Variants in NAALADL2 observed in about 807,000 individuals in gnomAD.
NAALADL2 encodes N-acetylated alpha-linked acidic dipeptidase like 2.
In NAALADL2, 76 loss-of-function variants were observed where a neutral mutation model predicts 87.2. The ratio of observed to expected loss-of-function variants is 0.87; its 90% CI spans 0.72 to 1.05. NAALADL2 has a LOEUF of 1.05. Among genes scored for constraint, NAALADL2 ranks in the 50% least tolerant of loss-of-function variants. The probability of loss-of-function intolerance (pLI) is 0.00; values close to 1 mark genes in which losing one functional copy is unlikely to be tolerated. For missense variants in NAALADL2, 1,089 were observed against 945.8 expected (o/e 1.15, Z -1.99); for synonymous variants, 354 against 331.0 (o/e 1.07, Z -0.75).
intron 10 of NAALADL2, among the ~76,000 whole-genome samples, chr3:175,577,320 A>G (rs1719045676): frequency 6.6e-6 from 1 of 152,244 alleles, no homozygotes; most frequent in South Asian, 2.1e-4. Flanking sequence ...TGAGCAGATA[A>G]TAAGTCCCCA....
chr3:174,960,455 C>A (rs1741811469), intron 1 of NAALADL2, among the ~76,000 whole-genome samples: 1 of 151,994 alleles, frequency 6.6e-6, no homozygotes, highest in African/African-American at 2.4e-5. Flanking sequence ...GCTCTTTAAT[C>A]AAGAACATTC....
At chr3:174,610,056 A>C in intron 2 of NAALADL2, among the ~76,000 whole-genome samples, 1 of 152,076 alleles carries the variant, frequency 6.6e-6, no homozygotes, top group South Asian at 2.1e-4. Flanking sequence ...AAAAACAAGC[A>C]ATGGGGAAAG....
chr3:174,890,772 ACTC>A (rs1239109484), intron 1 of NAALADL2, among the ~76,000 whole-genome samples: 1 of 152,090 alleles, frequency 6.6e-6, no homozygotes, highest in Non-Finnish European at 1.5e-5. Flanking sequence ...ATGTGGTCAA[ACTC>A]CTGCTTTTCT....
chr3:175,173,309 AAAATAAATAAATAAAT>A (rs55984097), intron 2 of NAALADL2, among the ~76,000 whole-genome samples: 4 of 139,928 alleles, frequency 2.9e-5, no homozygotes, highest in Admixed American at 7.2e-5. Context: ...ATAAATAAAT[AAAATAAATAAATAAAT>A]AAATAAATAA....
rs6804295 is a variant in NAALADL2, at chr3:175,222,406, C to A, written c.546-11525C>A. On this transcript the variant is annotated intron_variant, in intron 2 of 13. Transcript: ENST00000454872. ...CATTCACACAATGACATCTTGTGACCTAGACTCAAAAAAGGTTCAACATCT... is the reference window on the plus strand; with the variant it reads ...CATTCACACAATGACATCTTGTGACATAGACTCAAAAAAGGTTCAACATCT... Among the ~76,000 whole-genome samples the A allele has an allele frequency of 2.3e-4, 35 of 152,078 alleles. No homozygotes were observed. In the South Asian group the frequency reaches 3.1e-3, roughly 14 times the overall value.
intron 3 of NAALADL2, among the ~76,000 whole-genome samples, chr3:174,834,662 A>G (rs977432931): frequency 3.9e-5 from 6 of 151,926 alleles, no homozygotes; most frequent in Non-Finnish European, 8.8e-5. Flanking sequence ...GTAAAATACT[A>G]TTAAAAACAA....
intron 2 of NAALADL2, among the ~76,000 whole-genome samples, chr3:174,714,328 T>G (rs1006920712): frequency 9.2e-5 from 14 of 152,190 alleles, no homozygotes; most frequent in Non-Finnish European, 2.1e-4. Context: ...TTTTTTCCAA[T>G]TCTGTGAAGA....
chr3:175,095,109 C>T (rs534817331), intron 1 of NAALADL2, among the ~76,000 whole-genome samples: 18 of 152,146 alleles, frequency 1.2e-4, no homozygotes, highest in Non-Finnish European at 2.1e-4. Flanking sequence ...GCGCTATCCT[C>T]AGCCATAGAG....
intron 1 of NAALADL2, among the ~76,000 whole-genome samples, chr3:174,920,686 T>C (rs959952683): frequency 6.6e-6 from 1 of 152,234 alleles, no homozygotes; most frequent in African/African-American, 2.4e-5. Context: ...TATGAACTTT[T>C]TCTTTGCATT....
chr3:174,446,857 T>G (rs1176459585), intron 1 of NAALADL2, among the ~76,000 whole-genome samples: 1 of 152,158 alleles, frequency 6.6e-6, no homozygotes, highest in African/African-American at 2.4e-5. Flanking sequence ...CACCTTCAGG[T>G]GATAAAAGCC....
At chr3:175,178,490 C>G (rs1736003101) in intron 2 of NAALADL2, among the ~76,000 whole-genome samples, 1 of 151,988 alleles carries the variant, frequency 6.6e-6, no homozygotes, top group Non-Finnish European at 1.5e-5. Context: ...TTGGGATGAT[C>G]ACGTGAGTTT....
At chr3:175,109,807 A>C (rs1416796521) in intron 2 of NAALADL2, among the ~76,000 whole-genome samples, 1 of 151,824 alleles carries the variant, frequency 6.6e-6, no homozygotes, top group Non-Finnish European at 1.5e-5. Context: ...GGTTTTGGTC[A>C]TCATATTTAC....
intron 5 of NAALADL2, among the ~76,000 whole-genome samples, chr3:175,407,268 C>T (rs992072695): frequency 6.6e-6 from 1 of 152,124 alleles, no homozygotes; most frequent in South Asian, 2.1e-4. Context: ...CTCTTATTTG[C>T]TTATTCTGAA....
intron 2 of NAALADL2, among the ~76,000 whole-genome samples, chr3:175,194,071 A>T (rs1355703200): frequency 1.3e-5 from 2 of 151,936 alleles, no homozygotes; most frequent in Non-Finnish European, 3.0e-5. Flanking sequence ...ACTGAAGTGC[A>T]GAATGTCATT....
At chr3:175,150,876 G>C (rs1014314566) in intron 2 of NAALADL2, among the ~76,000 whole-genome samples, 2 of 152,262 alleles carry the variant, frequency 1.3e-5, no homozygotes, top group South Asian at 4.1e-4. Flanking sequence ...CTGCCCTCCT[G>C]TAGTTTATGG....
At chr3:174,478,336 G>C (rs1016506553) in intron 1 of NAALADL2, among the ~76,000 whole-genome samples, 3 of 152,088 alleles carry the variant, frequency 2.0e-5, no homozygotes, top group Non-Finnish European at 2.9e-5. Flanking sequence ...GTTTCTGAGA[G>C]TTTAAGAATT....
chr3:174,651,876 C>G (rs1390807638), intron 2 of NAALADL2, among the ~76,000 whole-genome samples: 4 of 152,232 alleles, frequency 2.6e-5, no homozygotes, highest in Middle Eastern at 3.4e-3. Flanking sequence ...AGATTAAAAT[C>G]CTATGTTTAA....
At chr3:175,271,127 G>A (rs1752771404) in intron 4 of NAALADL2, 1 of 152,074 alleles carries the variant, frequency 6.6e-6, no homozygotes, top group Non-Finnish European at 1.5e-5. Context: ...TGAGTAGTTT[G>A]GCAATAGAGC....
At chr3:174,550,790 A>G (rs1457725102) in intron 2 of NAALADL2, 1 of 151,946 alleles carries the variant, frequency 6.6e-6, no homozygotes, top group African/African-American at 2.4e-5. Flanking sequence ...TGAGTTGTTT[A>G]TCTTTTGGGG....
Sources: allele counts gnomAD v4.1 joint callset (sites outside exome capture counted in the v4.1 genomes callset), GRCh38; gene constraint gnomAD v4.1.1; transcripts MANE v1.5; gene names NCBI Gene and HGNC (gene_info 2026-07-23, HGNC 2026-07-21).